CWC27: variants seen among roughly 807,000 people sequenced by gnomAD.
The protein encoded by CWC27 is spliceosome-associated protein CWC27 homolog.
Under a neutral mutation model 63.6 loss-of-function variants are expected in CWC27, and 47 were observed. The observed-to-expected ratio is 0.74, with a 90% CI of 0.58 to 0.94. The LOEUF is 0.94. Ranked by LOEUF, CWC27 falls within the 40% of genes least tolerant of loss-of-function variation. CWC27 has a pLI of 0.00. For synonymous variants in CWC27, 175 were observed against 179.8 expected (o/e 0.97, Z 0.22); for missense variants, 495 against 554.3 (o/e 0.89, Z 1.07).
At chr5:64,919,788 G>A (rs1413427075) in intron 11 of CWC27, among the ~76,000 whole-genome samples, 1 of 152,146 alleles carries the variant, frequency 6.6e-6, no homozygotes, top group Non-Finnish European at 1.5e-5. Context: ...CCATGTCCTT[G>A]TCTGTTCTTG....
At chr5:64,957,237 A>G (rs982635281) in intron 11 of CWC27, among the ~76,000 whole-genome samples, 4 of 152,126 alleles carry the variant, frequency 2.6e-5, no homozygotes, top group African/African-American at 9.7e-5. Context: ...GTACTTCTTG[A>G]GTCTCCTTTC....
At chr5:64,775,480 C>T (rs904483985) in intron 2 of CWC27, among the ~76,000 whole-genome samples, 8 of 152,154 alleles carry the variant, frequency 5.3e-5, no homozygotes, top group African/African-American at 1.4e-4. Flanking sequence ...ATTTCCTAAG[C>T]ATTTCCTTTC....
At chr5:64,963,177 G>C (rs1264009911) in intron 11 of CWC27, among the ~76,000 whole-genome samples, 1 of 152,126 alleles carries the variant, frequency 6.6e-6, no homozygotes. Flanking sequence ...GCCCAGGCTG[G>C]TTTCAAACTC....
intron 10 of CWC27, among the ~76,000 whole-genome samples, chr5:64,816,222 G>A (rs148396232): frequency 1.3e-3 from 197 of 152,196 alleles, no homozygotes; most frequent in African/African-American, 4.5e-3. Flanking sequence ...TATTGGCGTG[G>A]CCCAGGTCAG....
intron 11 of CWC27, among the ~76,000 whole-genome samples, chr5:64,905,352 C>T (rs1348272256): frequency 2.6e-5 from 4 of 152,130 alleles, no homozygotes; most frequent in Non-Finnish European, 5.9e-5. Flanking sequence ...TCAACCTCCT[C>T]CTGCCCCACT....
intron 10 of CWC27, among the ~76,000 whole-genome samples, chr5:64,824,330 G>A (rs1427750179): frequency 6.6e-6 from 1 of 152,078 alleles, no homozygotes; most frequent in Admixed American, 6.5e-5. Flanking sequence ...TACAATATTA[G>A]AACTTTGTTA....
chr5:64,929,074 T>C (rs1748180254), intron 11 of CWC27, among the ~76,000 whole-genome samples: 1 of 151,972 alleles, frequency 6.6e-6, no homozygotes, highest in Admixed American at 6.6e-5. Context: ...GGAGCCAAGG[T>C]TCTCATTATA....
In CWC27 at chr5:64,977,237, T is replaced by C. The variant is rs372513837; in HGVS notation, c.1255T>C (p.Trp419Arg). 6.3e-7 allele frequency: 1 copy of C among 1,596,480 alleles called. No homozygotes were observed. Among genetic ancestry groups the C allele is most frequent in the Non-Finnish European group, 8.6e-7 (1 of 1,165,150 alleles). Residue 419 changes from tryptophan (W) to arginine (R), a missense_variant and splice_region_variant, in exon 13 of 14, where the codon TGG (tryptophan) becomes CGG (arginine). Trp to Arg is a moderately radical substitution (Grantham distance 101). This residue lies in a region of CWC27 where 463 missense variants were observed against 498.1 expected (regional missense o/e 0.93). Coordinates refer to ENST00000381070, the MANE Select transcript of CWC27 (RefSeq NM_005869.4). ...AACAGAAGTAGAAGATGATGAAGGATGGTAAGGGCTTTGATTTCTGTATAT... is the reference window on the plus strand; with the variant it reads ...AACAGAAGTAGAAGATGATGAAGGACGGTAAGGGCTTTGATTTCTGTATAT... Reference protein sequence around the residue: ...PETEVEDDEGWMSHVLQFEDK... With the variant: ...PETEVEDDEGRMSHVLQFEDK...
At chr5:64,897,015 C>A (rs189788923) in intron 11 of CWC27, among the ~76,000 whole-genome samples, 5 of 152,160 alleles carry the variant, frequency 3.3e-5, no homozygotes, top group Admixed American at 6.6e-5. Flanking sequence ...AGTTCAATAC[C>A]AGCCTCGGAA....
intron 11 of CWC27, among the ~76,000 whole-genome samples, chr5:64,905,809 C>T (rs984119948): frequency 3.3e-5 from 5 of 152,118 alleles, no homozygotes; most frequent in Non-Finnish European, 7.4e-5. Flanking sequence ...GATATTTCTC[C>T]TAATGCTGTG....
chr5:64,959,939 T>C (rs1226238294), intron 11 of CWC27, among the ~76,000 whole-genome samples: 2 of 152,200 alleles, frequency 1.3e-5, no homozygotes, highest in East Asian at 1.9e-4. Flanking sequence ...ACGGTGTGCT[T>C]GGGAGCCACG....
intron 13 of CWC27, among the ~76,000 whole-genome samples, chr5:64,988,294 A>C (rs551975571): frequency 3.9e-4 from 60 of 152,300 alleles, no homozygotes; most frequent in African/African-American, 1.4e-3. Context: ...TTATCTCAGT[A>C]TTAGCATCTG....
chr5:64,959,384 C>T (rs959513957), intron 11 of CWC27, among the ~76,000 whole-genome samples: 2 of 151,980 alleles, frequency 1.3e-5, no homozygotes, highest in Non-Finnish European at 2.9e-5. Context: ...ATTTTATTGT[C>T]ACAGAATATT....
chr5:64,837,087 G>A lies in CWC27; in HGVS notation c.938+32701G>A, dbSNP rs1182922274. Among the ~76,000 whole-genome samples the A allele has an allele frequency of 3.9e-5, 6 of 152,080 alleles. No individual in the cohort carries two copies. The East Asian group carries it at 5.8e-4, about 15-fold the overall frequency. On this transcript the variant is annotated intron_variant, in intron 10 of 13. Coordinates refer to ENST00000381070, the MANE Select transcript of CWC27 (RefSeq NM_005869.4). The stretch of plus-strand genomic sequence containing the variant: ...TGCAGTAAGACATTTGTGGGTGTGC[G>A]TAATTGCGGTTCACAAGTCATTCAA...
At chr5:65,009,148 G>C (rs567116793) in intron 13 of CWC27, among the ~76,000 whole-genome samples, 8 of 152,294 alleles carry the variant, frequency 5.3e-5, no homozygotes, top group African/African-American at 1.9e-4. Context: ...ATCACATCAT[G>C]ACAGGGGAGT....
At chr5:64,788,278 TG>T (rs1208766103) in intron 6 of CWC27, among the ~76,000 whole-genome samples, 1 of 151,944 alleles carries the variant, frequency 6.6e-6, no homozygotes, top group African/African-American at 2.4e-5. Flanking sequence ...GCAAATATAT[TG>T]GGGATGATAT....
Position 64,924,639 on chromosome 5 carries a change from G to A in CWC27, c.1042+39093G>A, listed in dbSNP as rs186552277. On this transcript the variant is annotated intron_variant, in intron 11 of 13. Coordinates refer to ENST00000381070, the MANE Select transcript of CWC27 (RefSeq NM_005869.4). The stretch of plus-strand genomic sequence containing the variant: ...CACATCCTTTTGCTACCACCAACTA[G>A]TTCATATTTCCAAGAAAGGAATCCA... 3.8e-3 allele frequency among the ~76,000 whole-genome samples: 580 copies of A among 152,188 alleles called. 2 individuals are homozygous for A. The highest frequency in any genetic ancestry group is 0.012 in the African/African-American group (500 of 41,504).
intron 13 of CWC27, among the ~76,000 whole-genome samples, chr5:65,000,407 A>G (rs1477991452): frequency 1.3e-5 from 2 of 152,034 alleles, no homozygotes; most frequent in Non-Finnish European, 2.9e-5. Flanking sequence ...GCCTGGACCA[A>G]TGCCCTGAAA....
chr5:64,855,858 A>C (rs1312460105), intron 10 of CWC27, among the ~76,000 whole-genome samples: 3 of 152,120 alleles, frequency 2.0e-5, no homozygotes, highest in Non-Finnish European at 4.4e-5. Flanking sequence ...ATTTCCCCTC[A>C]TACTTGCTTT....
Sources: allele counts gnomAD v4.1 joint callset (sites outside exome capture counted in the v4.1 genomes callset), GRCh38; gene constraint gnomAD v4.1.1; regional missense constraint gnomAD v4.1.1; transcripts MANE v1.5; gene names NCBI Gene and HGNC (gene_info 2026-07-23, HGNC 2026-07-21).